The following NAALADL2 variants were observed in gnomAD, a reference collection of about 807,000 sequenced individuals.
The protein encoded by NAALADL2 is inactive N-acetylated-alpha-linked acidic dipeptidase-like protein 2.
In NAALADL2, 76 loss-of-function variants were observed where a neutral mutation model predicts 87.2. That is an observed-to-expected ratio of 0.87 (90% CI 0.72 to 1.05). The LOEUF (loss-of-function observed/expected upper bound fraction) is 1.05. Ranked by LOEUF, NAALADL2 falls within the 50% of genes least tolerant of loss-of-function variation. NAALADL2 has a pLI of 0.00. For missense variants in NAALADL2, 1,089 were observed against 945.8 expected (o/e 1.15, Z -1.99); for synonymous variants, 354 against 331.0 (o/e 1.07, Z -0.75).
chr3:175,720,269 T>C (rs1399526104), intron 11 of NAALADL2, among the ~76,000 whole-genome samples: 3 of 152,006 alleles, frequency 2.0e-5, no homozygotes, highest in Non-Finnish European at 4.4e-5. Context: ...TTTTAAAAAT[T>C]AGAAACCATA....
chr3:174,759,105 T>G lies in NAALADL2; in HGVS notation c.-9+21359T>G, dbSNP rs556339817. Among the ~76,000 whole-genome samples, 3 of 152,330 alleles carry G rather than the reference T, an allele frequency of 2.0e-5. No homozygotes were observed. The South Asian group carries it at 6.2e-4, about 32-fold the overall frequency. On this transcript the variant is annotated intron_variant, in intron 3 of 3. Transcript: ENST00000434257. The stretch of plus-strand genomic sequence containing the variant: ...ATTTGTTTCTCCAGAAATTTAGAAT[T>G]AACTAGAAGAAATCTGTTTTGCATT...
intron 1 of NAALADL2, among the ~76,000 whole-genome samples, chr3:174,442,420 C>T (rs183593898): frequency 6.6e-6 from 1 of 151,868 alleles, no homozygotes; most frequent in East Asian, 1.9e-4. Context: ...GCAGTAATGT[C>T]TGATCTCAAG....
chr3:174,800,862 AG>A (rs1718743847), intron 3 of NAALADL2, among the ~76,000 whole-genome samples: 2 of 152,144 alleles, frequency 1.3e-5, no homozygotes, highest in Non-Finnish European at 2.9e-5. Context: ...ATCATTTTGG[AG>A]CTTTAAGATT....
At chr3:174,925,853 TG>T in intron 1 of NAALADL2, among the ~76,000 whole-genome samples, 1 of 152,098 alleles carries the variant, frequency 6.6e-6, no homozygotes, top group African/African-American at 2.4e-5. Flanking sequence ...CAAAGCTGGA[TG>T]GAGAATGACT....
intron 11 of NAALADL2, among the ~76,000 whole-genome samples, chr3:175,723,736 C>T (rs1209662362): frequency 1.3e-5 from 2 of 152,090 alleles, no homozygotes; most frequent in African/African-American, 2.4e-5. Flanking sequence ...ACATAATCAT[C>T]TTCTCCAACT....
At chr3:174,953,981 T>G (rs1740801377) in intron 1 of NAALADL2, among the ~76,000 whole-genome samples, 1 of 152,120 alleles carries the variant, frequency 6.6e-6, no homozygotes, top group African/African-American at 2.4e-5. Flanking sequence ...TCTAATATAA[T>G]GTGTTTAACA....
chr3:174,813,370 G>C (rs955199241), intron 3 of NAALADL2, among the ~76,000 whole-genome samples: 7 of 152,240 alleles, frequency 4.6e-5, no homozygotes, highest in Non-Finnish European at 1.0e-4. Context: ...GGTTGGACAA[G>C]CTTTTTTAAT....
chr3:175,767,728 A>G (rs531174805), intron 13 of NAALADL2: 18 of 152,286 alleles, frequency 1.2e-4, no homozygotes, highest in African/African-American at 4.1e-4. Flanking sequence ...TCTTTAAGCT[A>G]AGTTTCATAG....
chr3:174,896,489 T>C (rs982928990), intron 1 of NAALADL2, among the ~76,000 whole-genome samples: 1 of 152,110 alleles, frequency 6.6e-6, no homozygotes, highest in Non-Finnish European at 1.5e-5. Context: ...TGATTAAAAT[T>C]ATAAAACACT....
intron 10 of NAALADL2, among the ~76,000 whole-genome samples, chr3:175,594,964 T>C (rs892661800): frequency 2.6e-5 from 4 of 152,142 alleles, no homozygotes; most frequent in African/African-American, 9.7e-5. Flanking sequence ...GTTTACTCTG[T>C]TGACAGTTAC....
chr3:174,921,197 A>G (rs73047043), intron 1 of NAALADL2, among the ~76,000 whole-genome samples: 4,400 of 152,286 alleles, frequency 0.029, 209 homozygotes, highest in African/African-American at 0.095. Flanking sequence ...CAAAACTTCA[A>G]TTTCTAAAAA....
chr3:175,760,159 T>G (rs1409507988), intron 13 of NAALADL2, among the ~76,000 whole-genome samples: 1 of 152,054 alleles, frequency 6.6e-6, no homozygotes, highest in Non-Finnish European at 1.5e-5. Flanking sequence ...GCTCTAAGAG[T>G]CTCGTTGCAG....
At chr3:175,267,034 T>TA (rs11430705) in intron 4 of NAALADL2, among the ~76,000 whole-genome samples, 70,033 of 146,770 alleles carry the variant, frequency 0.48, 16,904 homozygotes, top group South Asian at 0.65. Context: ...GTAAAACTAG[T>TA]AAAAAAAAAA....
At position 174,702,069 on chromosome 3, in the gene NAALADL2, AC is replaced by A. The variant is rs1383386154; in HGVS notation, c.-114-35568del. On this transcript the variant is annotated intron_variant, in intron 2 of 3. Coordinates refer to the NAALADL2 transcript ENST00000434257. ...GTATGAGAGTTCCACTTCCTCTGTA[AC>A]CCCAACGACACTTGGTATAGGCCGT... Among the ~76,000 whole-genome samples, 6 of 152,202 alleles carry A rather than the reference AC, an allele frequency of 3.9e-5. 1 individual carries two copies. Among genetic ancestry groups the A allele is most frequent in the South Asian group, 4.2e-4 (2 of 4,818 alleles).
intron 9 of NAALADL2, among the ~76,000 whole-genome samples, chr3:175,487,862 C>T (rs181152034): frequency 2.6e-5 from 4 of 152,236 alleles, no homozygotes; most frequent in Admixed American, 2.6e-4. Flanking sequence ...CTGCCATTCC[C>T]AGGTTTGCTA....
intron 1 of NAALADL2, among the ~76,000 whole-genome samples, chr3:175,005,388 A>G (rs184312261): frequency 1.3e-5 from 2 of 152,274 alleles, no homozygotes; most frequent in East Asian, 3.9e-4. Flanking sequence ...CATACTGCTG[A>G]CTACACTTTA....
At chr3:175,741,868 G>A (rs960911723) in intron 12 of NAALADL2, among the ~76,000 whole-genome samples, 5 of 152,084 alleles carry the variant, frequency 3.3e-5, no homozygotes, top group Admixed American at 1.3e-4. Context: ...AGTTTATTTT[G>A]CCAACGTTAA....
chr3:175,759,621 G>T (rs1747732355), intron 13 of NAALADL2, among the ~76,000 whole-genome samples: 1 of 152,188 alleles, frequency 6.6e-6, no homozygotes, highest in African/African-American at 2.4e-5. Context: ...CTCCCAAAGT[G>T]CTGGGATTAC....
chr3:175,404,732 C>G (rs1328537662), intron 5 of NAALADL2, among the ~76,000 whole-genome samples: 1 of 152,132 alleles, frequency 6.6e-6, no homozygotes, highest in African/African-American at 2.4e-5. Context: ...GGTTACAGTT[C>G]TAAATGGAAT....
Sources: gnomAD v4.1 joint callset for allele counts (sites outside exome capture counted in the v4.1 genomes callset) on GRCh38, gnomAD v4.1.1 for gene constraint, MANE v1.5 for transcripts, NCBI Gene and HGNC (gene_info 2026-07-23, HGNC 2026-07-21) for gene names.